Variants in SLC38A4 observed in about 807,000 individuals in gnomAD.
The protein encoded by SLC38A4 is sodium-coupled neutral amino acid transporter 4.
In SLC38A4, 20 loss-of-function variants were observed where a neutral mutation model predicts 63.1. That is an observed-to-expected ratio of 0.32 (90% CI 0.22 to 0.46). The LOEUF is 0.46. Ranked by LOEUF, SLC38A4 falls within the 20% of genes least tolerant of loss-of-function variation. SLC38A4 has a pLI of 1.00. For missense variants in SLC38A4, 526 were observed against 663.6 expected, an observed-to-expected ratio of 0.79 and a Z score of 2.28; for synonymous variants, 230 against 225.5, an observed-to-expected ratio of 1.02 and a Z score of -0.18.
chr12:46,787,386 A>G (rs1377268372), intron 5 of SLC38A4, among the ~76,000 whole-genome samples: 1 of 152,182 alleles, frequency 6.6e-6, no homozygotes, highest in African/African-American at 2.4e-5. Flanking sequence ...CAGGGCGCGC[A>G]GTATTCAGGT....
rs965005729 is a variant in SLC38A4, at chr12:46,768,210, T to G, written c.1542+100A>C. The G allele has an allele frequency of 2.0e-5, 17 of 869,624 alleles. No homozygotes were observed. In the African/African-American group the frequency reaches 2.1e-4, roughly 11 times the overall value. The allele number at this position is 869,624 out of a possible 1,614,324, so 53.9% of individuals were successfully genotyped here. On this transcript the variant is annotated intron_variant, in intron 16 of 16. Coordinates refer to ENST00000266579, the MANE Select transcript of SLC38A4 (RefSeq NM_018018.5). ...TAGCCCAGTTTTGATTTTTGGTTCT[T>G]GTACATTGATTCATTTTTCTGAACT...
chr12:46,815,591 A>AT (rs1404222403), intron 1 of SLC38A4, among the ~76,000 whole-genome samples: 11 of 151,940 alleles, frequency 7.2e-5, no homozygotes, highest in African/African-American at 2.4e-4. Flanking sequence ...TTGGCTGTAT[A>AT]TTTTTAAATC....
chr12:46,775,109 G>T lies in SLC38A4; in HGVS notation c.1239C>A (p.Leu413=). The change falls in exon 14 of 17, where the codon CTC becomes CTA. Residue 413 remains leucine (L), a synonymous_variant. Coordinates refer to ENST00000266579, the MANE Select transcript of SLC38A4 (RefSeq NM_018018.5). ...SKVYTLDIPL[L]MVRLAVLVAV... ...CCACAAGGACTGCCAGGCGAACCAT[G>T]AGAAGAGGGATGTCTAATGTATACA... 1 of 1,612,920 alleles carries T rather than the reference G, an allele frequency of 6.2e-7. No individual in the cohort carries two copies. Among genetic ancestry groups the T allele is most frequent in the Non-Finnish European group, 8.5e-7 (1 of 1,179,204 alleles).
upstream of SLC38A4, among the ~76,000 whole-genome samples, chr12:46,829,155 G>T (rs1939697548): frequency 6.6e-6 from 1 of 152,192 alleles, no homozygotes; most frequent in African/African-American, 2.4e-5. Flanking sequence ...AATACCTATA[G>T]AATAGAGTAT....
intron 16 of SLC38A4, among the ~76,000 whole-genome samples, chr12:46,767,538 T>C (rs1038453811): frequency 1.3e-5 from 2 of 151,914 alleles, no homozygotes; most frequent in Non-Finnish European, 2.9e-5. Context: ...ACGGACTACA[T>C]AGAGTTAAAA....
At position 46,785,194 on chromosome 12, in the gene SLC38A4, G is replaced by T. The variant is rs763739302; in HGVS notation, c.327-17C>A. The T allele has an allele frequency of 1.3e-6, 2 of 1,586,420 alleles. No individual in the cohort carries two copies. Among genetic ancestry groups the T allele is most frequent in the Admixed American group, 3.3e-5 (2 of 59,706 alleles). On this transcript the variant is annotated splice_polypyrimidine_tract_variant and intron_variant, in intron 5 of 16. Transcript: ENST00000266579. Reference sequence around the variant, plus strand: ...AGCATGATTCTGCAAAGGGAAGAGAGAGTAGGTAATAAAGTTTCTACAATA... The same window carrying T: ...AGCATGATTCTGCAAAGGGAAGAGATAGTAGGTAATAAAGTTTCTACAATA...
intron 1 of SLC38A4, among the ~76,000 whole-genome samples, chr12:46,818,377 A>G (rs961444287): frequency 6.6e-6 from 1 of 151,860 alleles, no homozygotes; most frequent in African/African-American, 2.4e-5. Context: ...AATATTATTT[A>G]TATGCTGATT....
intron 12 of SLC38A4, 30 bp downstream of exon 12, chr12:46,778,259 A>G (rs760802696): frequency 6.2e-7 from 1 of 1,604,444 alleles, no homozygotes; most frequent in South Asian, 1.1e-5. Context: ...TTCAAAGCAA[A>G]TTAGAATGCT....
At chr12:46,785,738 C>CTTTTTTTT (rs11335369) in intron 5 of SLC38A4, among the ~76,000 whole-genome samples, 3 of 66,896 alleles carry the variant, frequency 4.5e-5, no homozygotes, top group South Asian at 5.4e-4. Context: ...ACGAAAATTC[C>CTTTTTTTT]TTTTTTTTTT....
chr12:46,774,053 G>C (rs2120753936), intron 14 of SLC38A4, among the ~76,000 whole-genome samples: 1 of 152,084 alleles, frequency 6.6e-6, no homozygotes, highest in Admixed American at 6.6e-5. Flanking sequence ...CTATGTGTAT[G>C]TCATCTGAAA....
chr12:46,828,504 G>A (rs1287593400), upstream of SLC38A4, among the ~76,000 whole-genome samples: 1 of 152,050 alleles, frequency 6.6e-6, no homozygotes, highest in Non-Finnish European at 1.5e-5. Flanking sequence ...GTAATTTTTA[G>A]TAGAGATGGT....
chr12:46,825,312 T>TA (rs1442293861), intron 1 of SLC38A4, among the ~76,000 whole-genome samples: 6 of 116,180 alleles, frequency 5.2e-5, no homozygotes, highest in African/African-American at 1.7e-4. Context: ...ATATACAAAG[T>TA]TTATATATAT....
At chr12:46,780,472 C>G (rs1592179240) in intron 7 of SLC38A4, among the ~76,000 whole-genome samples, 3 of 151,986 alleles carry the variant, frequency 2.0e-5, no homozygotes, top group Admixed American at 2.0e-4. Context: ...CAGATGGGCA[C>G]CAATCTAGTC....
At chr12:46,791,154 C>A (rs1285134680) in intron 3 of SLC38A4, among the ~76,000 whole-genome samples, 3 of 152,170 alleles carry the variant, frequency 2.0e-5, no homozygotes, top group African/African-American at 7.2e-5. Context: ...TCAGAAACAT[C>A]CTCAGGTTTG....
chr12:46,765,079 T>A lies in SLC38A4; in HGVS notation c.*1622A>T, dbSNP rs1938268725. 1.3e-5 allele frequency: 2 copies of A among 152,650 alleles called. No individual in the cohort carries two copies. Among genetic ancestry groups the A allele is most frequent in the Admixed American group, 6.6e-5 (1 of 15,254 alleles). The allele number at this position is 152,650 out of a possible 1,614,324, so 9.5% of individuals were successfully genotyped here. ...TTAGATGAGTGAAAATGTAAATATATCCTAAAGATGCTATTTGGCAGATTT... is the reference window on the plus strand; with the variant it reads ...TTAGATGAGTGAAAATGTAAATATAACCTAAAGATGCTATTTGGCAGATTT... On this transcript the variant is annotated 3_prime_UTR_variant, in exon 17 of 17. Coordinates refer to ENST00000266579, the MANE Select transcript of SLC38A4 (RefSeq NM_018018.5).
intron 1 of SLC38A4, among the ~76,000 whole-genome samples, chr12:46,809,950 A>T (rs1939307019): frequency 6.6e-6 from 1 of 152,044 alleles, no homozygotes; most frequent in Non-Finnish European, 1.5e-5. Flanking sequence ...AATGAATGAA[A>T]ATCTTTATTT....
chr12:46,804,761 A>G (rs1014389856), intron 1 of SLC38A4, among the ~76,000 whole-genome samples: 1 of 151,930 alleles, frequency 6.6e-6, no homozygotes, highest in Admixed American at 6.6e-5. Flanking sequence ...CTCTTAGCTC[A>G]TTGTCTATTT....
At chr12:46,804,466 C>T (rs1178588567) in intron 1 of SLC38A4, among the ~76,000 whole-genome samples, 1 of 151,812 alleles carries the variant, frequency 6.6e-6, no homozygotes, top group African/African-American at 2.4e-5. Flanking sequence ...GAAAGAAAAA[C>T]AAATCACAAA....
intron 2 of SLC38A4, among the ~76,000 whole-genome samples, chr12:46,795,455 T>C (rs1201113509): frequency 6.6e-6 from 1 of 152,048 alleles, no homozygotes; most frequent in Non-Finnish European, 1.5e-5. Flanking sequence ...AATTCTATAT[T>C]ACCAAAACTT....
Sources: allele counts gnomAD v4.1 joint callset (sites outside exome capture counted in the v4.1 genomes callset), GRCh38; gene constraint gnomAD v4.1.1; transcripts MANE v1.5; gene names NCBI Gene and HGNC (gene_info 2026-07-23, HGNC 2026-07-21).